Variants in PCLO observed in about 807,000 individuals in gnomAD.
PCLO encodes piccolo presynaptic cytomatrix protein.
PCLO carries 82 observed loss-of-function variants against 427.5 expected under a neutral mutation model. The observed-to-expected ratio is 0.19, with a 90% CI of 0.16 to 0.23. The LOEUF is 0.23. Among genes scored for constraint, PCLO ranks in the 10% least tolerant of loss-of-function variants. The pLI is 1.00. For missense variants in PCLO, 6,239 were observed against 6,115.9 expected (o/e 1.02, Z -0.67); for synonymous variants, 2,357 against 2,155.4 (o/e 1.09, Z -2.59).
intron 3 of PCLO, among the ~76,000 whole-genome samples, chr7:83,001,431 C>T (rs534527642): frequency 1.3e-5 from 2 of 151,602 alleles, no homozygotes; most frequent in South Asian, 2.1e-4. Flanking sequence ...TAACTGAATA[C>T]ATTAGCAGGT....
intron 3 of PCLO, among the ~76,000 whole-genome samples, chr7:83,079,520 T>G (rs533242629): frequency 7.3e-6 from 1 of 136,378 alleles, no homozygotes; most frequent in East Asian, 2.9e-4. Context: ...TTTTTAAATT[T>G]TTCTAAATAT....
intron 10 of PCLO, among the ~76,000 whole-genome samples, chr7:82,862,990 C>G (rs1348358900): frequency 6.6e-6 from 1 of 151,872 alleles, no homozygotes; most frequent in African/African-American, 2.4e-5. Context: ...TTCAAAATAA[C>G]CTAATGAGTA....
At chr7:82,822,760 T>C in intron 19 of PCLO, 71 bp from the exon 20 acceptor site, 1 of 1,358,972 alleles carries the variant, frequency 7.4e-7, no homozygotes, top group Non-Finnish European at 1.0e-6. Context: ...GGTTTACACA[T>C]AATTTGAAAC....
intron 2 of PCLO, among the ~76,000 whole-genome samples, chr7:83,141,206 G>C (rs1791850841): frequency 6.6e-6 from 1 of 152,198 alleles, no homozygotes; most frequent in Admixed American, 6.5e-5. Flanking sequence ...ACTCTACCAG[G>C]AGAGCCTACA....
At chr7:82,888,280 C>G in intron 9 of PCLO, among the ~76,000 whole-genome samples, 1 of 151,900 alleles carries the variant, frequency 6.6e-6, no homozygotes, top group East Asian at 1.9e-4. Context: ...TGGTCTTCCA[C>G]GAGAAGCAGA....
At chr7:83,028,876 A>C (rs1331712064) in intron 3 of PCLO, among the ~76,000 whole-genome samples, 3 of 151,976 alleles carry the variant, frequency 2.0e-5, no homozygotes, top group African/African-American at 7.2e-5. Flanking sequence ...CCTATTTAAT[A>C]AATGGTGCTG....
At chr7:82,846,011 A>T (rs1792492123) in intron 12 of PCLO, among the ~76,000 whole-genome samples, 1 of 152,102 alleles carries the variant, frequency 6.6e-6, no homozygotes, top group African/African-American at 2.4e-5. Context: ...AAAATTTATT[A>T]AACATAGGAA....
At chr7:83,101,242 G>C (rs1790730036) in intron 3 of PCLO, among the ~76,000 whole-genome samples, 1 of 151,648 alleles carries the variant, frequency 6.6e-6, no homozygotes, top group Non-Finnish European at 1.5e-5. Flanking sequence ...AGACAATCAT[G>C]ATAGGTTATA....
At position 82,845,477 on chromosome 7, in the gene PCLO, C is replaced by T. The variant is rs117222461; in HGVS notation, c.13840G>A (p.Ala4614Thr). Residue 4614 changes from alanine (A) to threonine (T), a missense_variant, in exon 13 of 25, where the codon GCG becomes ACG. By Grantham distance (58) the Ala-to-Thr change is moderately conservative (BLOSUM62 0). Transcript: ENST00000333891. The part of the protein sequence containing the change: ...LHEPPKAVDK[A>T]KSPGVDPKQL... ...TTAGGATCAACCCCTGGGGATTTCG[C>T]CTTATCCACTACAACAAAATGAAAG... 1.4e-3 allele frequency: 2,240 copies of T among 1,609,206 alleles called. 2 individuals carry two copies. Among genetic ancestry groups the T allele is most frequent in the Non-Finnish European group, 1.7e-3 (2,045 of 1,176,692 alleles).
chr7:83,038,039 T>TTATATCTTTA, intron 3 of PCLO, among the ~76,000 whole-genome samples: 1 of 23,368 alleles, frequency 4.3e-5, no homozygotes, highest in East Asian at 1.9e-3. Context: ...ATTTATATAT[T>TTATATCTTTA]TATATATATA....
chr7:82,895,591 A>C (rs1793883631), intron 9 of PCLO, among the ~76,000 whole-genome samples: 1 of 151,968 alleles, frequency 6.6e-6, no homozygotes, highest in South Asian at 2.1e-4. Flanking sequence ...TTTACTAAGA[A>C]AAAATTGAAG....
At chr7:83,091,959 A>G (rs1562959319) in intron 3 of PCLO, among the ~76,000 whole-genome samples, 1 of 152,338 alleles carries the variant, frequency 6.6e-6, no homozygotes, top group Non-Finnish European at 1.5e-5. Context: ...TTGAAGAGGT[A>G]TGGAAGTTTC....
At chr7:82,792,583 C>T (rs1051953423) in intron 22 of PCLO, among the ~76,000 whole-genome samples, 1 of 152,134 alleles carries the variant, frequency 6.6e-6, no homozygotes, top group African/African-American at 2.4e-5. Flanking sequence ...CCACTCCAGC[C>T]TCCCAAAGTG....
chr7:83,116,664 T>G (rs1246085733), intron 3 of PCLO, among the ~76,000 whole-genome samples: 2 of 152,286 alleles, frequency 1.3e-5, no homozygotes, highest in East Asian at 3.9e-4. Flanking sequence ...CATCCACTCT[T>G]TTAGCATTTT....
rs139137234 is a variant in PCLO at position 82,919,839 on chromosome 7, A to G, written c.11113-2966T>C. Among the ~76,000 whole-genome samples the G allele has an allele frequency of 8.0e-4, 122 of 152,112 alleles. 2 individuals are homozygous for G. In the East Asian group the frequency reaches 0.022, roughly 28 times the overall value. ...TTTCCCTAAAATACATAACTATTCA[A>G]TTCACTTAGACAGATATTTATTAAA... On this transcript the variant is annotated intron_variant, in intron 6 of 24. Coordinates refer to ENST00000333891, the MANE Select transcript of PCLO (RefSeq NM_033026.6).
rs866384798 is a variant in PCLO at position 83,155,412 on chromosome 7, G to A, written c.1229C>T (p.Pro410Leu). 1.9e-6 allele frequency: 3 copies of A among 1,613,946 alleles called. No individual in the cohort carries two copies. The East Asian group carries it at 6.7e-5, about 36-fold the overall frequency. The change falls in exon 2 of 25, where the codon CCT (proline) becomes CTT (leucine). Residue 410 changes from proline (P) to leucine (L), a missense_variant. Pro to Leu is a moderately conservative substitution (Grantham distance 98). Transcript: ENST00000333891. ...TGGTGTCCCCACCTGCTGGGTTGGA[G>A]GCTTTGCTGGCCCTGGCTGTTGAGC... ...TPAQQPGPAK[P>L]PTQQVGTPKP... is the part of the protein sequence containing the mutation.
At chr7:83,016,050 C>T (rs1310097987) in intron 3 of PCLO, among the ~76,000 whole-genome samples, 1 of 152,060 alleles carries the variant, frequency 6.6e-6, no homozygotes, top group Non-Finnish European at 1.5e-5. Context: ...TGAACGTGCA[C>T]AGCCTGGGTA....
intron 8 of PCLO, among the ~76,000 whole-genome samples, chr7:82,907,441 A>G (rs1296233296): frequency 2.0e-5 from 3 of 151,976 alleles, no homozygotes; most frequent in Admixed American, 6.6e-5. Flanking sequence ...TTTAACTGAC[A>G]TTTATTATCT....
At chr7:82,810,744 CTT>C (rs1294084351) in intron 20 of PCLO, among the ~76,000 whole-genome samples, 2 of 151,756 alleles carry the variant, frequency 1.3e-5, no homozygotes, top group African/African-American at 2.4e-5. Context: ...GGTAGTGTCT[CTT>C]TGACTGCACA....
Sources: allele counts gnomAD v4.1 joint callset (sites outside exome capture counted in the v4.1 genomes callset), GRCh38; gene constraint gnomAD v4.1.1; transcripts MANE v1.5; gene names NCBI Gene and HGNC (gene_info 2026-07-23, HGNC 2026-07-21).